The following DPP6 variants were observed in gnomAD, a reference collection of about 807,000 sequenced individuals.
The protein encoded by DPP6 is A-type potassium channel modulatory protein DPP6.
Under a neutral mutation model 122.6 loss-of-function variants are expected in DPP6, and 69 were observed. The observed-to-expected ratio is 0.56, with a 90% CI of 0.46 to 0.69. The LOEUF (loss-of-function observed/expected upper bound fraction) is 0.69, where lower values mean the gene tolerates loss of function less well. Among genes scored for constraint, DPP6 ranks in the 30% least tolerant of loss-of-function variants. DPP6 has a pLI of 0.00. For synonymous variants in DPP6, 418 were observed against 433.1 expected (o/e 0.97, Z 0.43); for missense variants, 928 against 1,116.9 (o/e 0.83, Z 2.41).
intron 1 of DPP6, among the ~76,000 whole-genome samples, chr7:154,186,124 T>C (rs1032376659): frequency 1.3e-5 from 2 of 152,208 alleles, no homozygotes; most frequent in African/African-American, 2.4e-5. Context: ...TCCTCCCAGC[T>C]CTGAGATTTC....
At position 154,486,974 on chromosome 7, in the gene DPP6, T is replaced by C. The variant is rs982422052; in HGVS notation, c.457+11937T>C. On this transcript the variant is annotated intron_variant, in intron 3 of 25. Transcript: ENST00000377770. The surrounding 1 kb of genome is among the most constrained non-coding windows in gnomAD (Gnocchi z 4.5). ...CCAACTTGCTTCCTGCAGAGATACA[T>C]GTTCAGACTCTACTAATTACTTTTC... Among the ~76,000 whole-genome samples, 2 of 152,190 alleles carry C rather than the reference T, an allele frequency of 1.3e-5. No individual in the cohort carries two copies. Among genetic ancestry groups the C allele is most frequent in the Non-Finnish European group, 2.9e-5 (2 of 68,038 alleles).
intron 18 of DPP6, among the ~76,000 whole-genome samples, chr7:154,869,134 G>T (rs985453746): frequency 3.3e-5 from 5 of 152,142 alleles, no homozygotes; most frequent in Admixed American, 3.3e-4. Flanking sequence ...GAAAGGGCAG[G>T]GGGAGGAGCC....
chr7:154,258,283 A>T (rs2150909057), intron 1 of DPP6, among the ~76,000 whole-genome samples: 1 of 152,316 alleles, frequency 6.6e-6, no homozygotes, highest in East Asian at 1.9e-4. Context: ...AAACAAACAG[A>T]TGTTAAATTG....
At position 154,875,194 on chromosome 7, in the gene DPP6, T is replaced by C. The variant is rs1804748298; in HGVS notation, c.1884-712T>C. Among the ~76,000 whole-genome samples the C allele has an allele frequency of 6.6e-6, 1 of 151,586 alleles. No homozygotes were observed. The highest frequency in any genetic ancestry group is 2.1e-4 in the South Asian group (1 of 4,754). On this transcript the variant is annotated intron_variant, in intron 19 of 25. Coordinates refer to ENST00000377770, the MANE Select transcript of DPP6 (RefSeq NM_130797.4). This position sits in a 1 kb window ranked among gnomAD's most constrained non-coding sequence, Gnocchi z 4.5. ...GGAGGAAGGGAGGGAACAGCCCTGTTTGAGGAAAAAGAAAACAGCCCTGTT... is the reference window on the plus strand; with the variant it reads ...GGAGGAAGGGAGGGAACAGCCCTGTCTGAGGAAAAAGAAAACAGCCCTGTT...
chr7:153,788,225 A>G, the DPP6 span, among the ~76,000 whole-genome samples: 1 of 152,246 alleles, frequency 6.6e-6, no homozygotes, highest in South Asian at 2.1e-4. Flanking sequence ...ACATCCAGCC[A>G]TGTGCCAGAA....
intron 5 of DPP6, among the ~76,000 whole-genome samples, chr7:154,615,401 C>T (rs1053711672): frequency 4.6e-5 from 7 of 152,188 alleles, no homozygotes; most frequent in South Asian, 2.1e-4. Flanking sequence ...TTTTATTCAC[C>T]GTACAATACT....
At chr7:154,391,996 G>A (rs969734714) in intron 1 of DPP6, among the ~76,000 whole-genome samples, 2 of 152,146 alleles carry the variant, frequency 1.3e-5, no homozygotes, top group Non-Finnish European at 1.5e-5. Flanking sequence ...TATTCTGGCC[G>A]GGCGCGGCGG....
intron 3 of DPP6, chr7:154,475,444 T>A (rs1326316519): frequency 8.0e-6 from 2 of 248,710 alleles, no homozygotes; most frequent in African/African-American, 4.6e-5. Flanking sequence ...CTCTTTCCGT[T>A]AGGCAGAAGG....
chr7:154,493,373 C>A (rs993914805), intron 3 of DPP6, among the ~76,000 whole-genome samples: 2 of 152,150 alleles, frequency 1.3e-5, no homozygotes, highest in Non-Finnish European at 2.9e-5. Flanking sequence ...TGCAACTTTC[C>A]GTGGTTCAGT....
At chr7:154,227,043 A>G (rs1439088764) in intron 1 of DPP6, among the ~76,000 whole-genome samples, 2 of 138,772 alleles carry the variant, frequency 1.4e-5, no homozygotes, top group Non-Finnish European at 2.9e-5. Flanking sequence ...TCAAAAATAG[A>G]TTACAATATG....
chr7:154,781,665 G>A (rs942634331), intron 10 of DPP6, among the ~76,000 whole-genome samples: 4 of 152,080 alleles, frequency 2.6e-5, no homozygotes, highest in Non-Finnish European at 4.4e-5. Flanking sequence ...TTTGCTCAGC[G>A]GTGCCCTCTA....
chr7:154,791,628 A>C (rs1217874655), intron 10 of DPP6, among the ~76,000 whole-genome samples: 1 of 152,236 alleles, frequency 6.6e-6, no homozygotes, highest in African/African-American at 2.4e-5. Context: ...CTGAGTAAAG[A>C]AACAGTGTGG....
At chr7:154,747,321 G>A (rs965582245) in intron 8 of DPP6, among the ~76,000 whole-genome samples, 1 of 152,220 alleles carries the variant, frequency 6.6e-6, no homozygotes, top group African/African-American at 2.4e-5. Context: ...TTAGAAGGTT[G>A]CAAACCTGCA....
chr7:153,902,061 C>G (rs1799659197), intron 1 of DPP6, among the ~76,000 whole-genome samples: 1 of 152,180 alleles, frequency 6.6e-6, no homozygotes. Flanking sequence ...ATCCTCTCCA[C>G]AAAGGTAGTA....
rs779285190 is a variant in DPP6 at position 154,176,867 on chromosome 7, G to A, written c.243+123804G>A. On this transcript the variant is annotated intron_variant, in intron 1 of 25. Transcript: ENST00000377770. Reference sequence around the variant, plus strand: ...TTTCTTTTTTTATTTTTTGAGACAGGGCCTCAGTCTGTCGCCCAGGTTACA... The same window carrying A: ...TTTCTTTTTTTATTTTTTGAGACAGAGCCTCAGTCTGTCGCCCAGGTTACA... Among the ~76,000 whole-genome samples the A allele has an allele frequency of 2.1e-3, 322 of 151,978 alleles. 1 individual carries two copies. The highest frequency in any genetic ancestry group is 4.2e-3 in the Non-Finnish European group (282 of 67,946).
chr7:154,650,558 A>G (rs1318897799), intron 6 of DPP6, among the ~76,000 whole-genome samples: 2 of 152,182 alleles, frequency 1.3e-5, no homozygotes, highest in African/African-American at 4.8e-5. Flanking sequence ...CTTAATTCCA[A>G]AGTGAGGGCT....
intron 1 of DPP6, among the ~76,000 whole-genome samples, chr7:153,938,623 C>T (rs1020589368): frequency 4.6e-5 from 7 of 152,196 alleles, no homozygotes; most frequent in Non-Finnish European, 7.3e-5. Context: ...AGAAAGTTAT[C>T]GACGTCCAAC....
intron 1 of DPP6, among the ~76,000 whole-genome samples, chr7:154,247,032 GC>G (rs1802024811): frequency 6.6e-6 from 1 of 152,146 alleles, no homozygotes; most frequent in Non-Finnish European, 1.5e-5. Context: ...ATCATCAAGG[GC>G]CAGGTGCAGT....
chr7:153,841,436 C>G, the DPP6 span, among the ~76,000 whole-genome samples: 1 of 152,144 alleles, frequency 6.6e-6, no homozygotes, highest in African/African-American at 2.4e-5. Flanking sequence ...TCATCCCCTT[C>G]CAGATGCCAA....
Sources: gnomAD v4.1 joint callset for allele counts (sites outside exome capture counted in the v4.1 genomes callset) on GRCh38, gnomAD v4.1.1 for gene constraint, Gnocchi (gnomAD v3.1) non-coding constraint, MANE v1.5 for transcripts, NCBI Gene and HGNC (gene_info 2026-07-23, HGNC 2026-07-21) for gene names.